CSN3: variants seen among roughly 807,000 people sequenced by gnomAD.
The protein encoded by CSN3 is kappa-casein.
A neutral mutation model predicts 9.9 loss-of-function variants in CSN3; 7 were observed. The ratio of observed to expected loss-of-function variants is 0.71; its 90% confidence interval spans 0.40 to 1.33. The LOEUF (loss-of-function observed/expected upper bound fraction) is 1.33. Ranked by LOEUF, CSN3 falls within the 40% of genes most tolerant of loss-of-function variation. CSN3 has a pLI of 0.01. For missense variants in CSN3, 253 were observed against 227.9 expected (o/e 1.11, Z -0.71); for synonymous variants, 88 against 82.3 (o/e 1.07, Z -0.37).
Position 70,249,264 on chromosome 4 carries a change from T to G in CSN3, c.354T>G (p.Ile118Met). 2 of 1,614,142 alleles carry G rather than the reference T, an allele frequency of 1.2e-6. 1 individual carries two copies. Among genetic ancestry groups the G allele is most frequent in the South Asian group, 2.2e-5 (2 of 91,086 alleles). ...GCCCAAACCTGCATCCATCATTTAT[T>G]GCCATCCCCCCAAAGAAAATTCAGG... The change falls in exon 4 of 5, where the codon ATT (isoleucine) becomes ATG (methionine). Residue 118 changes from isoleucine to methionine, a missense_variant. Physicochemically the swap from Ile to Met is conservative, Grantham distance 10. Transcript: ENST00000304954.
rs766053566 is a variant in CSN3, at chr4:70,249,178, C to T, written c.268C>T (p.His90Tyr). ...TGCAAACCCAGCTGTAGTTAGGCCACATGCCCAAATTCCTCAGCGGCAATA... is the reference window on the plus strand; with the variant it reads ...TGCAAACCCAGCTGTAGTTAGGCCATATGCCCAAATTCCTCAGCGGCAATA... Residue 90 changes from histidine to tyrosine, a missense_variant, in exon 4 of 5, where the codon CAT becomes TAT. Transcript: ENST00000304954. 2.5e-6 allele frequency: 4 copies of T among 1,614,090 alleles called. No homozygotes were observed. The South Asian group carries it at 4.4e-5, about 18-fold the overall frequency.
At chr4:70,248,999 G>T (rs1486647507) in exon 4 of CSN3, 4 of 1,570,012 alleles carry the variant, frequency 2.5e-6, no homozygotes, top group South Asian at 2.3e-5. Flanking sequence ...TTTTTGCAGT[G>T]CCATGAGAAT....
chr4:70,242,579 T>A (rs1300038659), upstream of CSN3: 1 of 151,444 alleles, frequency 6.6e-6, no homozygotes, highest in Non-Finnish European at 1.5e-5. Flanking sequence ...CTTTAATTGG[T>A]CTTCAGTTAT....
At chr4:70,249,017 G>A in exon 4 of CSN3, 5 of 1,594,576 alleles carry the variant, frequency 3.1e-6, no homozygotes, top group Non-Finnish European at 4.3e-6. Context: ...AATGATGAAA[G>A]ACCATTCTAT....
intron 4 of CSN3, among the ~76,000 whole-genome samples, 156 bp from the exon 5 acceptor site, chr4:70,251,106 A>C (rs770282547): frequency 6.6e-6 from 1 of 152,194 alleles, no homozygotes; most frequent in Non-Finnish European, 1.5e-5. Context: ...TCAGTTTACT[A>C]TATGCCTATT....
At chr4:70,244,123 C>G (rs117058988) in intron 1 of CSN3, among the ~76,000 whole-genome samples, 119 of 152,114 alleles carry the variant, frequency 7.8e-4, no homozygotes, top group East Asian at 4.8e-3. Flanking sequence ...TTCAGTCCTC[C>G]AAAAAATGTA....
At chr4:70,248,386 A>G (rs528230194) in intron 3 of CSN3, among the ~76,000 whole-genome samples, 1 of 152,320 alleles carries the variant, frequency 6.6e-6, no homozygotes, top group African/African-American at 2.4e-5. Flanking sequence ...AGAGGCACAT[A>G]GATATAGACA....
chr4:70,246,572 G>A (rs187281200), intron 2 of CSN3, among the ~76,000 whole-genome samples: 1 of 151,584 alleles, frequency 6.6e-6, no homozygotes, highest in East Asian at 1.9e-4. Context: ...TTTTAGACAA[G>A]CATATACCAG....
At chr4:70,239,954 C>T (rs1420585868), upstream of CSN3, among the ~76,000 whole-genome samples, 1 of 151,824 alleles carries the variant, frequency 6.6e-6, no homozygotes, top group Non-Finnish European at 1.5e-5. Flanking sequence ...CCTTACTAAT[C>T]CTATGGAAAG....
rs138941948 is a variant in CSN3, at chr4:70,249,146, C to T, written c.236C>T (p.Thr79Ile). 1.1e-5 allele frequency: 18 copies of T among 1,613,938 alleles called. No homozygotes were observed. In the African/African-American group the frequency reaches 2.3e-4, roughly 20 times the overall value. Residue 79 changes from threonine to isoleucine, a missense_variant, in exon 4 of 5, where the codon ACA becomes ATA. By Grantham distance (89) the Thr-to-Ile change is moderately conservative. Coordinates refer to ENST00000304954, the Ensembl canonical transcript of CSN3. ...ATTAATAATCCATATGTGCCTCGCACATATTATGCAAACCCAGCTGTAGTT... is the reference window on the plus strand; with the variant it reads ...ATTAATAATCCATATGTGCCTCGCATATATTATGCAAACCCAGCTGTAGTT...
At chr4:70,244,691 G>A (rs955840221) in intron 1 of CSN3, 121 bp from the exon 2 acceptor site, 6 of 431,026 alleles carry the variant, frequency 1.4e-5, no homozygotes, top group African/African-American at 4.1e-5. Flanking sequence ...TTTTCACATC[G>A]GCTAAATCTA....
intron 2 of CSN3, 123 bp from the exon 3 acceptor site, chr4:70,247,695 T>C: frequency 1.2e-6 from 1 of 840,786 alleles, no homozygotes; most frequent in Non-Finnish European, 1.8e-6. Context: ...ATGAAAAATG[T>C]TTTAAAAAAT....
intron 3 of CSN3, 65 bp from the exon 4 acceptor site, chr4:70,248,933 A>C: frequency 8.3e-7 from 1 of 1,207,168 alleles, no homozygotes; most frequent in Non-Finnish European, 1.2e-6. Context: ...AAAAATGCAG[A>C]TTTAAGGTAT....
intron 2 of CSN3, 35 bp downstream of exon 2, chr4:70,244,908 TTTAAGAAAATTTTG>T (rs1316158953): frequency 7.3e-7 from 1 of 1,365,574 alleles, no homozygotes; most frequent in Non-Finnish European, 9.8e-7. Flanking sequence ...TTGTACTGAC[TTTAAGAAAATTTTG>T]TTTAAGGGCT....
At chr4:70,250,707 G>T (rs1337593389) in intron 4 of CSN3, among the ~76,000 whole-genome samples, 1 of 152,108 alleles carries the variant, frequency 6.6e-6, no homozygotes, top group Non-Finnish European at 1.5e-5. Flanking sequence ...AGGACATTAA[G>T]TAAATTATCA....
intron 4 of CSN3, among the ~76,000 whole-genome samples, chr4:70,249,704 A>C (rs1396783339): frequency 6.6e-6 from 1 of 152,202 alleles, no homozygotes; most frequent in Non-Finnish European, 1.5e-5. Context: ...TTATTTGACA[A>C]AGTGAAAATA....
upstream of CSN3, among the ~76,000 whole-genome samples, chr4:70,240,032 G>A (rs576201900): frequency 1.3e-5 from 2 of 152,030 alleles, no homozygotes; most frequent in East Asian, 1.9e-4. Flanking sequence ...AAAATAGAGT[G>A]TTGAGGTCAG....
Position 70,247,809 on chromosome 4 carries a change from A to T in CSN3, c.55-9A>T. On this transcript the variant is annotated splice_polypyrimidine_tract_variant and intron_variant, in intron 2 of 4. Coordinates refer to ENST00000304954, the Ensembl canonical transcript of CSN3. ...ATTTCTCATTATTTCTTCTTCTGGAACTCCCCAGGCTGTGGAGGTTCAAAA... is the reference window on the plus strand; with the variant it reads ...ATTTCTCATTATTTCTTCTTCTGGATCTCCCCAGGCTGTGGAGGTTCAAAA... 1 of 1,581,644 alleles carries T rather than the reference A, an allele frequency of 6.3e-7. No individual in the cohort carries two copies. Among genetic ancestry groups the T allele is most frequent in the Non-Finnish European group, 8.6e-7 (1 of 1,168,004 alleles).
At chr4:70,244,869 T>G (rs758198366) in exon 2 of CSN3, 1 of 1,565,982 alleles carries the variant, frequency 6.4e-7, no homozygotes, top group Non-Finnish European at 8.6e-7. Flanking sequence ...ACCCTGCCTT[T>G]TTTGGTAAGT....
Sources: allele counts gnomAD v4.1 joint callset (sites outside exome capture counted in the v4.1 genomes callset), GRCh38; gene constraint gnomAD v4.1.1; transcripts MANE v1.5; gene names NCBI Gene and HGNC (gene_info 2026-07-23, HGNC 2026-07-21).